Variants in ZDHHC15 observed in about 807,000 individuals in gnomAD.
ZDHHC15 encodes zDHHC palmitoyltransferase 15.
In ZDHHC15, 19 loss-of-function variants were observed where a neutral mutation model predicts 31.7. That is an observed-to-expected ratio of 0.60 (90% CI 0.42 to 0.88). ZDHHC15 has a LOEUF of 0.88. ZDHHC15 is among the 40% of genes least tolerant of loss of function. The pLI, the probability that ZDHHC15 is intolerant of heterozygous loss-of-function variation, is 0.00. For missense variants in ZDHHC15, 209 were observed against 251.2 expected, an observed-to-expected ratio of 0.83 and a Z score of 1.14; for synonymous variants, 103 against 90.0, an observed-to-expected ratio of 1.14 and a Z score of -0.82.
intron 11 of ZDHHC15, among the ~76,000 whole-genome samples, chrX:75,376,171 T>C (rs1356807579): frequency 2.7e-5 from 3 of 110,833 alleles, no homozygotes; most frequent in African/African-American, 9.9e-5. Flanking sequence ...TGATGAGCAT[T>C]TTTTTTCATA....
chrX:75,440,820 C>T (rs963488684), intron 4 of ZDHHC15, among the ~76,000 whole-genome samples: 2 of 112,000 alleles, frequency 1.8e-5, no homozygotes, highest in Non-Finnish European at 3.8e-5. Context: ...CATGTCTGAG[C>T]TCAGACTCTC....
chrX:75,458,799 G>C (rs2084264854), intron 3 of ZDHHC15, among the ~76,000 whole-genome samples: 1 of 109,178 alleles, frequency 9.2e-6, no homozygotes, highest in African/African-American at 3.3e-5. Flanking sequence ...GGTATGGGAG[G>C]GGCCTAGATG....
intron 2 of ZDHHC15, among the ~76,000 whole-genome samples, chrX:75,483,001 GTATA>G (rs60535826): frequency 3.0e-4 from 30 of 99,488 alleles, no homozygotes; most frequent in South Asian, 1.8e-3. Context: ...GTGTGTATGT[GTATA>G]TATATATATA....
intron 9 of ZDHHC15, among the ~76,000 whole-genome samples, chrX:75,418,770 C>T (rs1470687001): frequency 1.8e-5 from 2 of 112,003 alleles, no homozygotes; most frequent in African/African-American, 6.5e-5. Flanking sequence ...AAAGCTGAAA[C>T]TGGATACCTT....
chrX:75,392,318 G>A (rs2083253241), intron 10 of ZDHHC15, among the ~76,000 whole-genome samples: 1 of 111,911 alleles, frequency 8.9e-6, no homozygotes, highest in East Asian at 2.8e-4. Context: ...ACATTTTTCT[G>A]TCTGCTTATA....
At chrX:75,414,631 G>T (rs1346352969) in intron 10 of ZDHHC15, among the ~76,000 whole-genome samples, 1 of 101,952 alleles carries the variant, frequency 9.8e-6, no homozygotes, top group Non-Finnish European at 2.0e-5. Flanking sequence ...GTAGAGATGG[G>T]GTTTCACTGT....
intron 2 of ZDHHC15, among the ~76,000 whole-genome samples, chrX:75,489,041 G>A (rs374436928): frequency 8.9e-6 from 1 of 111,803 alleles, no homozygotes; most frequent in East Asian, 2.8e-4. Context: ...GGCGGCAGGG[G>A]GGAGGAGTGC....
intron 10 of ZDHHC15, among the ~76,000 whole-genome samples, chrX:75,393,491 C>T (rs1263596726): frequency 9.0e-6 from 1 of 111,458 alleles, no homozygotes; most frequent in East Asian, 2.8e-4. Context: ...TATAGAGTCA[C>T]TAAACTCCTT....
Position 75,370,981 on chromosome X carries a change from T to C in ZDHHC15, c.*1997A>G, listed in dbSNP as rs1249380352. ...CTTGACTTCTGTGGGAGCTGAGTGC[T>C]GATACACCCTATGCATCAAAGAAGT... On this transcript the variant is annotated 3_prime_UTR_variant, in exon 12 of 12. Coordinates refer to ENST00000373367, the MANE Select transcript of ZDHHC15 (RefSeq NM_144969.3). The C allele has an allele frequency of 8.0e-5, 9 of 111,902 alleles. No homozygotes were observed. The Admixed American group carries it at 8.6e-4, about 11-fold the overall frequency. The allele number at this position is 111,902 out of a possible 1,213,427, so 9.2% of individuals were successfully genotyped here.
At chrX:75,450,766 T>C in intron 4 of ZDHHC15, 36 bp downstream of exon 4, 1 of 1,210,369 alleles carries the variant, frequency 8.3e-7, no homozygotes. Context: ...AGATACTTGC[T>C]GAGCTGCCTC....
chrX:75,467,617 T>A (rs2084428154), intron 3 of ZDHHC15, among the ~76,000 whole-genome samples: 1 of 112,305 alleles, frequency 8.9e-6, no homozygotes, highest in Admixed American at 9.5e-5. Context: ...AAGTGTTAGA[T>A]ATTTGTAGTG....
intron 10 of ZDHHC15, among the ~76,000 whole-genome samples, chrX:75,397,544 A>AT (rs1245730772): frequency 9.1e-6 from 1 of 110,017 alleles, no homozygotes; most frequent in Admixed American, 9.7e-5. Flanking sequence ...ATTAAAAATA[A>AT]AAAAAAACTT....
At chrX:75,415,358 T>G (rs904584596) in intron 10 of ZDHHC15, among the ~76,000 whole-genome samples, 1 of 111,417 alleles carries the variant, frequency 9.0e-6, no homozygotes, top group African/African-American at 3.3e-5. Context: ...TTGTGGAGTC[T>G]CCTTCAATGA....
intron 2 of ZDHHC15, among the ~76,000 whole-genome samples, chrX:75,484,824 C>T (rs1035834015): frequency 2.7e-5 from 3 of 111,890 alleles, no homozygotes; most frequent in Non-Finnish European, 3.8e-5. Flanking sequence ...CCAAATGTTC[C>T]TAAACTGGTG....
At chrX:75,493,582 C>G (rs1428129414) in intron 2 of ZDHHC15, among the ~76,000 whole-genome samples, 1 of 111,813 alleles carries the variant, frequency 8.9e-6, no homozygotes, top group Non-Finnish European at 1.9e-5. Context: ...AGCTTATCCA[C>G]CATGATCAAG....
intron 2 of ZDHHC15, among the ~76,000 whole-genome samples, chrX:75,494,415 C>A (rs1173980856): frequency 9.0e-6 from 1 of 111,100 alleles, no homozygotes; most frequent in Non-Finnish European, 1.9e-5. Context: ...ACTTTCTTCA[C>A]AGAATTGGAA....
intron 3 of ZDHHC15, among the ~76,000 whole-genome samples, chrX:75,470,746 T>C (rs1262288002): frequency 9.0e-6 from 1 of 111,662 alleles, no homozygotes; most frequent in East Asian, 2.8e-4. Context: ...ATTTCCCCAG[T>C]GCCAGAATGC....
At chrX:75,493,752 T>G (rs2084940687) in intron 2 of ZDHHC15, among the ~76,000 whole-genome samples, 1 of 112,067 alleles carries the variant, frequency 8.9e-6, no homozygotes, top group Admixed American at 9.5e-5. Flanking sequence ...CTAAAAACTC[T>G]CAGTAAATTA....
At chrX:75,456,033 A>T (rs1228128326) in intron 3 of ZDHHC15, among the ~76,000 whole-genome samples, 3 of 111,749 alleles carry the variant, frequency 2.7e-5, no homozygotes, top group East Asian at 5.6e-4. Flanking sequence ...AAATCATGCT[A>T]CTAGAAAGAC....
Sources: gnomAD v4.1 joint callset for allele counts (sites outside exome capture counted in the v4.1 genomes callset) on GRCh38, gnomAD v4.1.1 for gene constraint, MANE v1.5 for transcripts, NCBI Gene and HGNC (gene_info 2026-07-23, HGNC 2026-07-21) for gene names.